ACOT12: variants seen among roughly 807,000 people sequenced by gnomAD.
ACOT12 encodes the protein acetyl-coenzyme A thioesterase.
In ACOT12, 51 loss-of-function variants were observed where a neutral mutation model predicts 67.7. The ratio of observed to expected loss-of-function variants is 0.75; its 90% CI spans 0.60 to 0.95. The LOEUF is 0.95. Among genes scored for constraint, ACOT12 ranks in the 40% least tolerant of loss-of-function variants. The pLI, the probability that ACOT12 is intolerant of heterozygous loss-of-function variation, is 0.00. For synonymous variants in ACOT12, 251 were observed against 244.6 expected (o/e 1.03, Z -0.24); for missense variants, 734 against 708.1 (o/e 1.04, Z -0.41).
chr5:81,329,646 T>G (rs1050140296), downstream of ACOT12, among the ~76,000 whole-genome samples: 1 of 152,154 alleles, frequency 6.6e-6, no homozygotes, highest in Non-Finnish European at 1.5e-5. Context: ...GTCTCATGAG[T>G]TAAGACAAAT....
At chr5:81,367,244 C>G (rs1760107543) in intron 3 of ACOT12, among the ~76,000 whole-genome samples, 1 of 152,016 alleles carries the variant, frequency 6.6e-6, no homozygotes. Context: ...ACACAATACG[C>G]AAAAGAATAA....
the ACOT12 span, among the ~76,000 whole-genome samples, chr5:81,315,728 G>A: frequency 7.9e-5 from 12 of 152,150 alleles, no homozygotes; most frequent in African/African-American, 2.9e-4. Flanking sequence ...CCTAAAGAGA[G>A]AATGAGTTTG....
At position 81,344,967 on chromosome 5, in the gene ACOT12, C is replaced by T. The variant is rs750980459; in HGVS notation, c.848G>A (p.Ser283Asn). Residue 283 changes from serine (S) to asparagine (N), a missense_variant, in exon 8 of 15, where the codon AGT (serine) becomes AAT (asparagine). Coordinates refer to ENST00000307624, the MANE Select transcript of ACOT12 (RefSeq NM_130767.3). ...AGCAGCATTGTAAATGAGAAAAGCACTGTTGATGTGACGCCCTCGGCCCTC... is the reference window on the plus strand; with the variant it reads ...AGCAGCATTGTAAATGAGAAAAGCATTGTTGATGTGACGCCCTCGGCCCTC... ...WAEGRGRHIN[S>N]AFLIYNAADD... 4 of 1,614,216 alleles carry T rather than the reference C, an allele frequency of 2.5e-6. No homozygotes were observed. The Admixed American group carries it at 6.7e-5, about 27-fold the overall frequency.
intron 1 of ACOT12, among the ~76,000 whole-genome samples, chr5:81,392,054 G>A (rs1760880958): frequency 1.3e-5 from 2 of 152,250 alleles, no homozygotes; most frequent in South Asian, 2.1e-4. Context: ...TAGACTTAAG[G>A]GACTGGAAAA....
At chr5:81,393,858 T>G in intron 1 of ACOT12, 130 bp downstream of exon 1, 1 of 1,058,486 alleles carries the variant, frequency 9.4e-7, no homozygotes, top group Non-Finnish European at 1.2e-6. Context: ...GCAACACCCC[T>G]ATCCCTGGCT....
At chr5:81,332,222 T>C (rs1392911584) in intron 13 of ACOT12, among the ~76,000 whole-genome samples, 1 of 152,242 alleles carries the variant, frequency 6.6e-6, no homozygotes, top group Non-Finnish European at 1.5e-5. Flanking sequence ...AAAGGTTTAC[T>C]GAATACCAGT....
chr5:81,353,018 A>G (rs528684091), intron 5 of ACOT12, among the ~76,000 whole-genome samples: 2 of 152,322 alleles, frequency 1.3e-5, no homozygotes, highest in East Asian at 3.9e-4. Flanking sequence ...AATAGTTTTT[A>G]GATAATTATA....
At chr5:81,374,116 A>G (rs1462098424) in intron 2 of ACOT12, among the ~76,000 whole-genome samples, 1 of 152,016 alleles carries the variant, frequency 6.6e-6, no homozygotes, top group East Asian at 1.9e-4. Context: ...AGGTGCCCCT[A>G]TGGGACAAAG....
chr5:81,391,008 GTTGGTTTTGTTT>G (rs898276343), intron 1 of ACOT12, among the ~76,000 whole-genome samples: 33 of 152,288 alleles, frequency 2.2e-4, no homozygotes, highest in African/African-American at 7.9e-4. Context: ...TCTGAAAAGT[GTTGGTTTTGTTT>G]TTGGTTTTGT....
chr5:81,327,952 T>G (rs537300632), downstream of ACOT12, among the ~76,000 whole-genome samples: 39 of 152,296 alleles, frequency 2.6e-4, no homozygotes, highest in African/African-American at 9.4e-4. Context: ...TGCTTACCCT[T>G]GGAGCAAACG....
intron 11 of ACOT12, among the ~76,000 whole-genome samples, chr5:81,337,293 T>C (rs372713339): frequency 6.6e-6 from 1 of 152,202 alleles, no homozygotes; most frequent in African/African-American, 2.4e-5. Flanking sequence ...TAATCTGCCC[T>C]TGGGGCAGCC....
chr5:81,319,673 C>T, the ACOT12 span, among the ~76,000 whole-genome samples: 4 of 151,104 alleles, frequency 2.6e-5, no homozygotes, highest in African/African-American at 7.3e-5. Flanking sequence ...GCTGAGATAG[C>T]GCCATTGCAC....
At chr5:81,344,791 A>C in intron 8 of ACOT12, 100 bp downstream of exon 8, 1 of 1,443,100 alleles carries the variant, frequency 6.9e-7, no homozygotes, top group Non-Finnish European at 9.5e-7. Context: ...GGAAAACCAA[A>C]GGGAAAGAGC....
intron 4 of ACOT12, among the ~76,000 whole-genome samples, chr5:81,363,014 A>T (rs1759965651): frequency 6.6e-6 from 1 of 152,152 alleles, no homozygotes; most frequent in African/African-American, 2.4e-5. Flanking sequence ...GACCAACCTG[A>T]CCAACATGAC....
the ACOT12 span, chr5:81,309,224 TAAAAC>T: frequency 8.7e-6 from 4 of 458,622 alleles, no homozygotes; most frequent in Non-Finnish European, 1.5e-5. Flanking sequence ...CAGATGTTAA[TAAAAC>T]AAATCAGAAA....
the ACOT12 span, among the ~76,000 whole-genome samples, chr5:81,321,846 C>A: frequency 6.6e-6 from 1 of 152,212 alleles, no homozygotes; most frequent in Admixed American, 6.5e-5. Flanking sequence ...ACCCGGGAGG[C>A]TGAGGCACAA....
At chr5:81,321,077 A>G in the ACOT12 span, among the ~76,000 whole-genome samples, 3 of 151,970 alleles carry the variant, frequency 2.0e-5, no homozygotes, top group African/African-American at 7.3e-5. Flanking sequence ...GCAACATGGC[A>G]AAACCCCGTC....
chr5:81,393,145 T>A (rs1212815767), intron 1 of ACOT12, among the ~76,000 whole-genome samples: 1 of 152,158 alleles, frequency 6.6e-6, no homozygotes, highest in Non-Finnish European at 1.5e-5. Context: ...AGAGACTACA[T>A]AAGGGTGTGG....
chr5:81,367,400 G>C (rs764928381), intron 3 of ACOT12, among the ~76,000 whole-genome samples: 3 of 152,110 alleles, frequency 2.0e-5, no homozygotes, highest in Non-Finnish European at 2.9e-5. Flanking sequence ...GCATGTAAAA[G>C]GCATGACAAT....
Sources: gnomAD v4.1 joint callset for allele counts (sites outside exome capture counted in the v4.1 genomes callset) on GRCh38, gnomAD v4.1.1 for gene constraint, MANE v1.5 for transcripts, NCBI Gene and HGNC (gene_info 2026-07-23, HGNC 2026-07-21) for gene names.